The following RIOK1 variants were observed in gnomAD, a reference collection of about 807,000 sequenced individuals.
RIOK1 encodes the protein RIO kinase 1.
In RIOK1, 66 loss-of-function variants were observed where a neutral mutation model predicts 73.5. The ratio of observed to expected loss-of-function variants is 0.90; its 90% confidence interval spans 0.74 to 1.10. The LOEUF is 1.10. Among genes scored for constraint, RIOK1 ranks in the 50% least tolerant of loss-of-function variants. The pLI is 0.00. For synonymous variants in RIOK1, 224 were observed against 226.8 expected (o/e 0.99, Z 0.11); for missense variants, 658 against 699.8 (o/e 0.94, Z 0.67).
intron 6 of RIOK1, among the ~76,000 whole-genome samples, chr6:7,402,228 C>G (rs929214871): frequency 6.6e-6 from 1 of 152,102 alleles, no homozygotes; most frequent in Non-Finnish European, 1.5e-5. Flanking sequence ...ACGGTAGTTC[C>G]GAATCTGTAC....
intron 16 of RIOK1, among the ~76,000 whole-genome samples, chr6:7,416,658 AAAG>A (rs1323111747): frequency 2.6e-5 from 4 of 151,736 alleles, no homozygotes; most frequent in Admixed American, 6.6e-5. Context: ...AAAAAAAAAA[AAAG>A]AGGAAGCTCA....
intron 5 of RIOK1, among the ~76,000 whole-genome samples, chr6:7,399,592 A>G (rs1761563852): frequency 6.6e-6 from 1 of 152,176 alleles, no homozygotes; most frequent in Non-Finnish European, 1.5e-5. Context: ...TCAGCTGTCT[A>G]TATAAAATAT....
At chr6:7,403,904 C>T in intron 8 of RIOK1, 37 bp from the exon 9 acceptor site, 5 of 1,502,166 alleles carry the variant, frequency 3.3e-6, no homozygotes, top group South Asian at 2.3e-5. Context: ...GCCTTTTCAA[C>T]TTTTCAGTTG....
intron 3 of RIOK1, among the ~76,000 whole-genome samples, chr6:7,395,638 T>A (rs1472791803): frequency 6.6e-6 from 1 of 152,128 alleles, no homozygotes; most frequent in Non-Finnish European, 1.5e-5. Flanking sequence ...CTTATGCTAT[T>A]TTGGTTGTTT....
Position 7,410,388 on chromosome 6 carries a change from C to T in RIOK1, c.1206C>T (p.Ala402=), listed in dbSNP as rs1310813764. The T allele has an allele frequency of 3.1e-6, 5 of 1,610,024 alleles. No homozygotes were observed. Among genetic ancestry groups the T allele is most frequent in the Non-Finnish European group, 3.4e-6 (4 of 1,176,570 alleles). Residue 402 remains alanine, a splice_region_variant and synonymous_variant, in exon 13 of 17, where the codon GCC becomes GCT. Coordinates refer to ENST00000379834, the MANE Select transcript of RIOK1 (RefSeq NM_031480.3). ...GTCATTTTTGTTTTCTTTCCAAGGC[C>T]ATGGAAATAGCATCTCAAAGGACCA... The part of the protein sequence containing the change: ...HENMDAYLSK[A]MEIASQRTKE...
intron 9 of RIOK1, among the ~76,000 whole-genome samples, 177 bp downstream of exon 9, chr6:7,404,204 G>T (rs1167502089): frequency 2.6e-5 from 4 of 152,178 alleles, no homozygotes; most frequent in Non-Finnish European, 5.9e-5. Context: ...GCTTCAGAAT[G>T]AGGAGCAAGT....
intron 2 of RIOK1, among the ~76,000 whole-genome samples, chr6:7,394,349 G>T (rs541665670): frequency 1.3e-5 from 2 of 152,104 alleles, no homozygotes; most frequent in Non-Finnish European, 2.9e-5. Context: ...CTGGAGAATC[G>T]CCTGAACCCA....
Position 7,414,337 on chromosome 6 carries a change from G to A in RIOK1, c.1543G>A (p.Gly515Arg), listed in dbSNP as rs1761950255. 6.2e-7 allele frequency: 1 copy of A among 1,613,598 alleles called. No homozygotes were observed. Among genetic ancestry groups the A allele is most frequent in the South Asian group, 1.1e-5 (1 of 90,958 alleles). Reference protein sequence around the residue: ...ECSDTDSEEQGDHARPKKHTT... With the variant: ...ECSDTDSEEQRDHARPKKHTT... ...CTCTGACACAGACTCTGAAGAGCAG[G>A]GAGACCATGCCCGCCCCAAGAAACA... Residue 515 changes from glycine to arginine, a missense_variant, in exon 16 of 17, where the codon GGA (glycine) becomes AGA (arginine). Physicochemically the swap from Gly to Arg is moderately radical, Grantham distance 125. Transcript: ENST00000379834.
At chr6:7,409,904 C>T (rs1236723198) in intron 12 of RIOK1, among the ~76,000 whole-genome samples, 1 of 151,542 alleles carries the variant, frequency 6.6e-6, no homozygotes, top group Non-Finnish European at 1.5e-5. Context: ...GAATCTTTGT[C>T]ACCCTCGTTT....
chr6:7,395,894 G>A (rs1236537495), intron 3 of RIOK1, among the ~76,000 whole-genome samples: 1 of 152,046 alleles, frequency 6.6e-6, no homozygotes, highest in Admixed American at 6.6e-5. Flanking sequence ...TTTCTGTAGA[G>A]ACGGGGTTTC....
rs557618040 is a variant in RIOK1, at chr6:7,402,214, C to CTA, written c.574-386_574-385dup. Among the ~76,000 whole-genome samples, 320 of 152,284 alleles carry CTA rather than the reference C, an allele frequency of 2.1e-3. 3 individuals are homozygous for CTA. The highest frequency in any genetic ancestry group is 7.1e-4 in the Non-Finnish European group (48 of 68,022). The stretch of plus-strand genomic sequence containing the variant: ...TAGTATAGCCTACTGCACTCTCAGG[C>CTA]TATACGGTAGTTCCGAATCTGTACA... On this transcript the variant is annotated intron_variant, in intron 6 of 16. Transcript: ENST00000379834.
At chr6:7,412,070 T>C (rs2113528325) in intron 14 of RIOK1, among the ~76,000 whole-genome samples, 1 of 152,330 alleles carries the variant, frequency 6.6e-6, no homozygotes, top group Middle Eastern at 3.4e-3. Flanking sequence ...CTGTAAAAAC[T>C]ACCAGGTAGG....
intron 12 of RIOK1, among the ~76,000 whole-genome samples, chr6:7,405,556 A>G (rs544917871): frequency 4.0e-4 from 61 of 152,332 alleles, no homozygotes; most frequent in African/African-American, 1.4e-3. Context: ...TCATTTGAGC[A>G]TAATGTTGGT....
intron 12 of RIOK1, among the ~76,000 whole-genome samples, chr6:7,407,930 A>T (rs1761788477): frequency 6.6e-6 from 1 of 152,148 alleles, no homozygotes; most frequent in Admixed American, 6.5e-5. Flanking sequence ...GCAAGCTTTG[A>T]TGCACAGAAG....
rs1761921707 is a variant in RIOK1 at position 7,412,922 on chromosome 6, G to A, written c.1423G>A (p.Asp475Asn). The A allele has an allele frequency of 1.9e-6, 3 of 1,558,380 alleles. No individual in the cohort carries two copies. Among genetic ancestry groups the A allele is most frequent in the African/African-American group, 1.4e-5 (1 of 71,188 alleles). ...CCAGACTGTTACAGGATTGAAGAAA[G>A]ATTTGTCAGGAGTTCAGAAGGTATG... ...LYQTVTGLKKDLSGVQKVPAL... is the reference protein window; with the variant it reads ...LYQTVTGLKKNLSGVQKVPAL... Residue 475 changes from aspartate (D) to asparagine (N), a missense_variant, in exon 15 of 17, where the codon GAT becomes AAT. By Grantham distance (23) the Asp-to-Asn change is conservative. Transcript: ENST00000379834.
At chr6:7,405,067 G>T in intron 11 of RIOK1, 46 bp downstream of exon 11, 1 of 1,499,230 alleles carries the variant, frequency 6.7e-7, no homozygotes, top group Admixed American at 1.8e-5. Flanking sequence ...GGTCTGTTTT[G>T]GTTTTGTACT....
chr6:7,411,576 T>A, intron 14 of RIOK1, 125 bp downstream of exon 14: 2 of 976,352 alleles, frequency 2.0e-6, no homozygotes, highest in Non-Finnish European at 3.1e-6. Context: ...GTGAAATGAC[T>A]AACTCTATCT....
chr6:7,402,993 TA>T, intron 8 of RIOK1, 96 bp downstream of exon 8: 1 of 1,066,150 alleles, frequency 9.4e-7, no homozygotes, highest in Non-Finnish European at 1.4e-6. Flanking sequence ...TGCCCAAATG[TA>T]GGGACTTGTT....
intron 8 of RIOK1, 87 bp downstream of exon 8, chr6:7,402,984 G>A (rs1761651467): frequency 1.6e-6 from 2 of 1,231,300 alleles, no homozygotes; most frequent in Non-Finnish European, 2.3e-6. Flanking sequence ...GTGTGGTTCT[G>A]CCCAAATGTA....
Sources: gnomAD v4.1 joint callset for allele counts (sites outside exome capture counted in the v4.1 genomes callset) on GRCh38, gnomAD v4.1.1 for gene constraint, MANE v1.5 for transcripts, NCBI Gene and HGNC (gene_info 2026-07-23, HGNC 2026-07-21) for gene names.